CISD1: variants seen among roughly 807,000 people sequenced by gnomAD.
The protein encoded by CISD1 is CDGSH iron sulfur domain 1.
Under a neutral mutation model 12.0 loss-of-function variants are expected in CISD1, and 8 were observed. The ratio of observed to expected loss-of-function variants is 0.67; its 90% CI spans 0.39 to 1.20. The LOEUF (loss-of-function observed/expected upper bound fraction) is 1.20. CISD1 is among the 50% of genes most tolerant of loss of function. The pLI is 0.01. For synonymous variants in CISD1, 38 were observed against 42.2 expected (o/e 0.90, Z 0.39); for missense variants, 107 against 132.7 (o/e 0.81, Z 0.95).
chr10:58,269,362 C>G, intron 1 of CISD1, 58 bp downstream of exon 1: 1 of 1,517,144 alleles, frequency 6.6e-7, no homozygotes, highest in African/African-American at 1.4e-5. Flanking sequence ...GCCGCGCCCG[C>G]AGTTCGACTG....
Position 58,287,675 on chromosome 10 carries a change from C to G in CISD1, c.*25C>G. On this transcript the variant is annotated 3_prime_UTR_variant, in exon 3 of 3. Coordinates refer to ENST00000333926, the MANE Select transcript of CISD1 (RefSeq NM_018464.5). The stretch of plus-strand genomic sequence containing the variant: ...AATGGACACTTTTGATGCTGCAAAT[C>G]AGCTTGTCGTGAAGTTACCTGATTG... 3 of 1,496,350 alleles carry G rather than the reference C, an allele frequency of 2.0e-6. No homozygotes were observed. Among genetic ancestry groups the G allele is most frequent in the Non-Finnish European group, 1.8e-6 (2 of 1,085,266 alleles). The allele number at this position is 1,496,350 out of a possible 1,614,324, so 92.7% of individuals were successfully genotyped here.
intron 1 of CISD1, among the ~76,000 whole-genome samples, chr10:58,270,045 A>G (rs76310323): frequency 0.022 from 3,317 of 152,326 alleles, 129 homozygotes; most frequent in African/African-American, 0.076. Context: ...TGATGTTATA[A>G]TTGTTAATAT....
chr10:58,275,183 A>G (rs537405156), intron 1 of CISD1, among the ~76,000 whole-genome samples: 30 of 152,348 alleles, frequency 2.0e-4, no homozygotes, highest in African/African-American at 7.2e-4. Context: ...GATGTTCAGC[A>G]AATGTTGTGG....
chr10:58,281,964 T>G (rs560897405), intron 2 of CISD1, among the ~76,000 whole-genome samples: 2 of 152,152 alleles, frequency 1.3e-5, no homozygotes, highest in East Asian at 3.9e-4. Context: ...CTTGGCTTTT[T>G]TTTTTTTTCT....
At chr10:58,276,005 G>A (rs1462078445) in intron 1 of CISD1, 8 of 152,048 alleles carry the variant, frequency 5.3e-5, no homozygotes, top group Admixed American at 5.2e-4. Context: ...GTCTGTCTAG[G>A]GTTTTATTTG....
intron 1 of CISD1, among the ~76,000 whole-genome samples, chr10:58,272,712 T>A (rs768634658): frequency 1.3e-5 from 2 of 151,900 alleles, no homozygotes; most frequent in Admixed American, 6.6e-5. Flanking sequence ...AGGTCAGGAG[T>A]TCGAGACCAG....
In CISD1 at chr10:58,277,114, T is replaced by C. The variant is rs552359588; in HGVS notation, c.32-3T>C. 1.3e-6 allele frequency: 2 copies of C among 1,579,534 alleles called. No homozygotes were observed. The highest frequency in any genetic ancestry group is 1.4e-5 in the African/African-American group (1 of 73,480). ...AATTATTTGTTTTCCTTCCCTGCTC[T>C]AGTTGAATGGATCGCAGCAGTTACC... On this transcript the variant is annotated splice_polypyrimidine_tract_variant and splice_region_variant and intron_variant, in intron 1 of 2. Transcript: ENST00000333926.
chr10:58,286,161 C>T (rs891611009), intron 2 of CISD1, among the ~76,000 whole-genome samples: 1 of 149,398 alleles, frequency 6.7e-6, no homozygotes, highest in Admixed American at 6.7e-5. Flanking sequence ...GTCGAGATCG[C>T]GCCACTGCAT....
Position 58,287,923 on chromosome 10 carries a change from T to C in CISD1, c.*273T>C, listed in dbSNP as rs1390221921. ...TCCATTTCTTTAAAATACTGACATA[T>C]AGAGTTGTACCTTATATAGAATATA... On this transcript the variant is annotated 3_prime_UTR_variant, in exon 3 of 3. Transcript: ENST00000333926. 2 of 296,400 alleles carry C rather than the reference T, an allele frequency of 6.7e-6. No individual in the cohort carries two copies. The highest frequency in any genetic ancestry group is 4.9e-5 in the Admixed American group (1 of 20,566). The allele number at this position is 296,400 out of a possible 1,614,324, so 18.4% of individuals were successfully genotyped here. A position where few individuals can be genotyped will look rare whatever the true frequency, so the allele number is the denominator to read the frequency against.
intron 2 of CISD1, among the ~76,000 whole-genome samples, chr10:58,285,732 A>T (rs73284363): frequency 6.6e-6 from 1 of 152,210 alleles, no homozygotes; most frequent in African/African-American, 2.4e-5. Flanking sequence ...CTTGTTAAAA[A>T]TGATTTTATA....
intron 2 of CISD1, among the ~76,000 whole-genome samples, chr10:58,280,870 G>A (rs1226653447): frequency 6.6e-6 from 1 of 152,198 alleles, no homozygotes; most frequent in Admixed American, 6.5e-5. Context: ...AAGACTATTA[G>A]ATTAAGCAAT....
chr10:58,285,204 A>T (rs975456898), intron 2 of CISD1, among the ~76,000 whole-genome samples: 1 of 152,228 alleles, frequency 6.6e-6, no homozygotes, highest in Admixed American at 6.5e-5. Context: ...CTACGACAGG[A>T]TAGAATTTAT....
chr10:58,277,429 GT>G (rs1163850716), intron 2 of CISD1, 107 bp downstream of exon 2: 56 of 815,816 alleles, frequency 6.9e-5, no homozygotes, highest in Non-Finnish European at 1.3e-5. Flanking sequence ...TCCCTTTTTT[GT>G]TGTTGTTGAG....
chr10:58,286,920 G>T (rs546834284), intron 2 of CISD1, among the ~76,000 whole-genome samples: 42 of 152,208 alleles, frequency 2.8e-4, no homozygotes, highest in African/African-American at 1.0e-3. Context: ...AATAACAGAG[G>T]AATAATATGC....
Position 58,269,284 on chromosome 10 carries a change from CT to C in CISD1, c.13del (p.Ser5ProfsTer25). The C allele has an allele frequency of 6.2e-7, 1 of 1,609,232 alleles. No homozygotes were observed. Among genetic ancestry groups the C allele is most frequent in the African/African-American group, 1.3e-5 (1 of 75,044 alleles). ...GCAAGCGACGGCGCCATGAGTCTGA[CT>C]TCCAGTTCCAGCGTACGAGGTGAAG... MSLTSSSSVRVEWI... is the reference protein window; with the variant it reads MSLXSSSSVRVEWI... On this transcript the variant is annotated frameshift_variant, in exon 1 of 3. Transcript: ENST00000333926. LOFTEE classifies it high-confidence loss of function.
chr10:58,284,271 G>C (rs942733015), intron 2 of CISD1, among the ~76,000 whole-genome samples: 2 of 151,566 alleles, frequency 1.3e-5, no homozygotes, highest in African/African-American at 4.8e-5. Context: ...GGGAGATTGA[G>C]GCTTCAGTAA....
intron 2 of CISD1, among the ~76,000 whole-genome samples, chr10:58,280,666 T>G (rs2132282052): frequency 6.6e-6 from 1 of 152,156 alleles, no homozygotes; most frequent in African/African-American, 2.4e-5. Flanking sequence ...TGGATAAAAA[T>G]CAAGGGCTAA....
chr10:58,278,394 G>T (rs962079320), intron 2 of CISD1, among the ~76,000 whole-genome samples: 2 of 152,104 alleles, frequency 1.3e-5, no homozygotes, highest in Non-Finnish European at 2.9e-5. Context: ...AGGCATGGTG[G>T]CATGCACCTG....
chr10:58,273,395 C>G (rs1043144363), intron 1 of CISD1: 1 of 152,262 alleles, frequency 6.6e-6, no homozygotes, highest in South Asian at 2.1e-4. Flanking sequence ...CTCCCCTCCC[C>G]CTCTCCTCAT....
Sources: gnomAD v4.1 joint callset for allele counts (sites outside exome capture counted in the v4.1 genomes callset) on GRCh38, gnomAD v4.1.1 for gene constraint, MANE v1.5 for transcripts, NCBI Gene and HGNC (gene_info 2026-07-23, HGNC 2026-07-21) for gene names.